The following BICC1 variants were observed in gnomAD, a reference collection of about 807,000 sequenced individuals.
BICC1 encodes BicC family RNA binding protein 1.
A neutral mutation model predicts 111.0 loss-of-function variants in BICC1; 43 were observed. The ratio of observed to expected loss-of-function variants is 0.39; its 90% CI spans 0.30 to 0.50. The LOEUF (loss-of-function observed/expected upper bound fraction) is 0.50, where lower values mean the gene tolerates loss of function less well. Ranked by LOEUF, BICC1 falls within the 20% of genes least tolerant of loss-of-function variation. The pLI is 0.88. For missense variants in BICC1, 1,091 were observed against 1,203.2 expected (o/e 0.91, Z 1.38); for synonymous variants, 467 against 434.4 (o/e 1.07, Z -0.93).
intron 14 of BICC1, among the ~76,000 whole-genome samples, chr10:58,802,132 C>A (rs1359736635): frequency 6.6e-6 from 1 of 152,172 alleles, no homozygotes; most frequent in African/African-American, 2.4e-5. Flanking sequence ...CACCAATGGT[C>A]TGTGTTGCCT....
rs1391504872 is a variant in BICC1 at position 58,595,187 on chromosome 10, C to T, written c.191-25668C>T. ...TAACTATCCTAAATATATGTGCATC[C>T]AACACAGGAATACCCAGATTCATAA... On this transcript the variant is annotated intron_variant, in intron 1 of 20. Transcript: ENST00000373886. 2.0e-5 allele frequency among the ~76,000 whole-genome samples: 3 copies of T among 152,248 alleles called. No individual in the cohort carries two copies. In the South Asian group the frequency reaches 6.2e-4, roughly 32 times the overall value.
chr10:58,526,160 A>G (rs1842536100), intron 1 of BICC1, among the ~76,000 whole-genome samples: 1 of 151,800 alleles, frequency 6.6e-6, no homozygotes, highest in African/African-American at 2.4e-5. Flanking sequence ...CTCAGCAACA[A>G]CTCATGACAT....
chr10:58,665,290 C>T (rs553504686), intron 2 of BICC1, among the ~76,000 whole-genome samples: 137 of 152,118 alleles, frequency 9.0e-4, no homozygotes, highest in Non-Finnish European at 1.4e-3. Context: ...GTTCCCTTAA[C>T]ATACTTTTGA....
At chr10:58,658,062 G>GT (rs1838717727) in intron 2 of BICC1, among the ~76,000 whole-genome samples, 1 of 152,110 alleles carries the variant, frequency 6.6e-6, no homozygotes, top group Non-Finnish European at 1.5e-5. Flanking sequence ...TGAATGATGA[G>GT]TTTTTTCACT....
intron 4 of BICC1, 80 bp from the exon 5 acceptor site, chr10:58,786,843 A>G: frequency 8.8e-7 from 1 of 1,131,280 alleles, no homozygotes; most frequent in East Asian, 2.9e-5. Flanking sequence ...TGTTAATACC[A>G]TTCCCTTGAG....
chr10:58,610,711 G>C (rs1406075779), intron 1 of BICC1, among the ~76,000 whole-genome samples: 2 of 151,798 alleles, frequency 1.3e-5, no homozygotes, highest in Admixed American at 1.3e-4. Context: ...CATTGAAAGT[G>C]GGTTTTGTTT....
At position 58,799,152 on chromosome 10, in the gene BICC1, C is replaced by T. The variant is rs1843455252; in HGVS notation, c.1625C>T (p.Ala542Val). The T allele has an allele frequency of 4.3e-6, 7 of 1,613,848 alleles. No homozygotes were observed. Among genetic ancestry groups the T allele is most frequent in the Middle Eastern group, 1.6e-4 (1 of 6,062 alleles). Residue 542 changes from alanine to valine, a missense_variant, in exon 12 of 21, where the codon GCT becomes GTT. Physicochemically the swap from Ala to Val is moderately conservative, Grantham distance 64. This residue lies in a region of BICC1 where 843 missense variants were observed against 900.8 expected (regional missense o/e 0.94). Coordinates refer to ENST00000373886, the MANE Select transcript of BICC1 (RefSeq NM_001080512.3). The stretch of plus-strand genomic sequence containing the variant: ...GGAGTGCCCACCTATGGGCACACAG[C>T]TCCATCTCCCCCTCCTGGCTTGACT... The part of the protein sequence containing the change: ...LSGVPTYGHT[A>V]PSPPPGLTPV...
In BICC1 at chr10:58,586,203, TCATC is replaced by T. The variant is rs545267865; in HGVS notation, c.191-34633_191-34630del. Reference sequence around the variant, plus strand: ...TTCTTTTGTTTCTTAACCCATTTATTCATCCATCCATCCATCCATCCAGTATTAT... The same window carrying T: ...TTCTTTTGTTTCTTAACCCATTTATTCATCCATCCATCCATCCAGTATTAT... On this transcript the variant is annotated intron_variant, in intron 1 of 20. Coordinates refer to ENST00000373886, the MANE Select transcript of BICC1 (RefSeq NM_001080512.3). 4.5e-3 allele frequency among the ~76,000 whole-genome samples: 691 copies of T among 152,252 alleles called. 5 individuals are homozygous for T. Among genetic ancestry groups the T allele is most frequent in the African/African-American group, 0.014 (585 of 41,528 alleles).
At chr10:58,746,406 T>C (rs535388301) in intron 3 of BICC1, among the ~76,000 whole-genome samples, 22 of 152,262 alleles carry the variant, frequency 1.4e-4, no homozygotes, top group African/African-American at 5.3e-4. Context: ...GACAACAAGG[T>C]GTCTCTGAAT....
intron 1 of BICC1, among the ~76,000 whole-genome samples, chr10:58,517,436 T>G (rs1014100400): frequency 1.3e-5 from 2 of 151,562 alleles, no homozygotes; most frequent in African/African-American, 2.4e-5. Flanking sequence ...CTTTAGTGGA[T>G]TTTTAAAATG....
At chr10:58,802,883 C>T (rs1843592827) in intron 14 of BICC1, among the ~76,000 whole-genome samples, 194 bp from the exon 15 acceptor site, 1 of 152,162 alleles carries the variant, frequency 6.6e-6, no homozygotes, top group South Asian at 2.1e-4. Flanking sequence ...TGACCTTGGA[C>T]AATATACTTC....
chr10:58,830,482 A>G lies in BICC1; in HGVS notation c.*1591A>G, dbSNP rs750709889. The G allele has an allele frequency of 6.6e-6, 1 of 152,204 alleles. No individual in the cohort carries two copies. Among genetic ancestry groups the G allele is most frequent in the Non-Finnish European group, 1.5e-5 (1 of 68,028 alleles). The allele number at this position is 152,204 out of a possible 1,614,324, so 9.4% of individuals were successfully genotyped here. A position where few individuals can be genotyped will look rare whatever the true frequency, so the allele number is the denominator to read the frequency against. ...TCTCAGCAGAAGGCATTAGATAAGC[A>G]TATACAAGAATTGGGTACTTTTATA... On this transcript the variant is annotated 3_prime_UTR_variant, in exon 21 of 21. Transcript: ENST00000373886.
intron 1 of BICC1, among the ~76,000 whole-genome samples, chr10:58,576,719 AC>A (rs1475993987): frequency 6.6e-6 from 1 of 152,144 alleles, no homozygotes; most frequent in Non-Finnish European, 1.5e-5. Flanking sequence ...AAGGATCAAT[AC>A]TGTTACAAAA....
intron 3 of BICC1, among the ~76,000 whole-genome samples, chr10:58,724,451 G>C (rs1457561132): frequency 6.6e-6 from 1 of 152,020 alleles, no homozygotes; most frequent in African/African-American, 2.4e-5. Flanking sequence ...TTAAGTGCTG[G>C]TTAGAATTGA....
chr10:58,695,137 T>C (rs1840030568), intron 2 of BICC1, among the ~76,000 whole-genome samples: 1 of 152,178 alleles, frequency 6.6e-6, no homozygotes, highest in South Asian at 2.1e-4. Flanking sequence ...CTGATGATGA[T>C]GAATAACTGA....
At chr10:58,606,008 C>T (rs550297435) in intron 1 of BICC1, among the ~76,000 whole-genome samples, 188 of 152,232 alleles carry the variant, frequency 1.2e-3, no homozygotes, top group African/African-American at 4.5e-3. Context: ...GTCTAATGCT[C>T]TCAGAACAAT....
chr10:58,774,237 T>G (rs1042193774), intron 3 of BICC1, among the ~76,000 whole-genome samples: 4 of 152,178 alleles, frequency 2.6e-5, no homozygotes, highest in African/African-American at 9.7e-5. Context: ...AGAGATAAAG[T>G]TGAGAAACTG....
chr10:58,737,293 C>G (rs1016341100), intron 3 of BICC1, among the ~76,000 whole-genome samples: 10 of 152,114 alleles, frequency 6.6e-5, no homozygotes, highest in Non-Finnish European at 1.5e-4. Context: ...ATTCCCCTTC[C>G]TGTGTCCATG....
chr10:58,674,283 A>T (rs1275462550), intron 2 of BICC1, among the ~76,000 whole-genome samples: 2 of 150,494 alleles, frequency 1.3e-5, no homozygotes, highest in Non-Finnish European at 3.0e-5. Context: ...GTTACCATTT[A>T]TCCTTGTCAT....
Sources: allele counts gnomAD v4.1 joint callset (sites outside exome capture counted in the v4.1 genomes callset), GRCh38; gene constraint gnomAD v4.1.1; regional missense constraint gnomAD v4.1.1; transcripts MANE v1.5; gene names NCBI Gene and HGNC (gene_info 2026-07-23, HGNC 2026-07-21).